The following ENOSF1 variants were observed in gnomAD, a reference collection of about 807,000 sequenced individuals.
The protein encoded by ENOSF1 is mitochondrial enolase superfamily member 1.
Under a neutral mutation model 68.2 loss-of-function variants are expected in ENOSF1, and 73 were observed. That is an observed-to-expected ratio of 1.07 (90% confidence interval 0.89 to 1.30). ENOSF1 has a LOEUF of 1.30. Among genes scored for constraint, ENOSF1 ranks in the 50% most tolerant of loss-of-function variants. The pLI, the probability that ENOSF1 is intolerant of heterozygous loss-of-function variation, is 0.00. For missense variants in ENOSF1, 589 were observed against 554.5 expected (o/e 1.06, Z -0.62); for synonymous variants, 223 against 210.4 (o/e 1.06, Z -0.52).
rs770187158 is a variant in ENOSF1 at position 697,262 on chromosome 18, G to C, written c.287C>G (p.Thr96Arg). Residue 96 changes from threonine to arginine, a missense_variant, in exon 3 of 16, where the codon ACA becomes AGA. Transcript: ENST00000647584. ...TACCCATCTGAGCTGCCCATCACTT[G>C]TGAGCTGCCTATAGAAGCCTCTGAA... ...GDFRGFYRQL[T>R]SDGQLRWIGP... 2.5e-6 allele frequency: 4 copies of C among 1,613,798 alleles called. No homozygotes were observed. The highest frequency in any genetic ancestry group is 3.4e-6 in the Non-Finnish European group (4 of 1,179,842).
At position 683,227 on chromosome 18, in the gene ENOSF1, G is replaced by T. The variant is rs375339535; in HGVS notation, c.876+19C>A. The T allele has an allele frequency of 3.8e-5, 62 of 1,613,394 alleles. No homozygotes were observed. Among genetic ancestry groups the T allele is most frequent in the Non-Finnish European group, 5.0e-5 (59 of 1,179,664 alleles). ...AACAGAAAAATAAGCTGCCACAGCAGCAGCAGCCGTTTTCCTACCTTGGAA... is the reference window on the plus strand; with the variant it reads ...AACAGAAAAATAAGCTGCCACAGCATCAGCAGCCGTTTTCCTACCTTGGAA... On this transcript the variant is annotated intron_variant, in intron 11 of 15. Coordinates refer to ENST00000647584, the MANE Select transcript of ENOSF1 (RefSeq NM_017512.7).
At chr18:679,526 C>A (rs1272356801) in intron 11 of ENOSF1, among the ~76,000 whole-genome samples, 1 of 150,608 alleles carries the variant, frequency 6.6e-6, no homozygotes, top group Non-Finnish European at 1.5e-5. Flanking sequence ...TTTGTTGATT[C>A]CAAAATCCTC....
intron 7 of ENOSF1, 70 bp downstream of exon 7, chr18:690,998 A>C: frequency 1.3e-6 from 2 of 1,544,810 alleles, no homozygotes; most frequent in South Asian, 1.1e-5. Context: ...TGTGTACCCC[A>C]AAAGGACAGG....
intron 11 of ENOSF1, among the ~76,000 whole-genome samples, chr18:679,564 A>T (rs571673558): frequency 5.7e-4 from 63 of 109,612 alleles, no homozygotes; most frequent in African/African-American, 1.6e-3. Flanking sequence ...AATCCATGAA[A>T]AAAAAAAAAA....
intron 3 of ENOSF1, among the ~76,000 whole-genome samples, chr18:696,352 T>C (rs578227477): frequency 1.1e-4 from 16 of 151,804 alleles, no homozygotes; most frequent in Non-Finnish European, 2.1e-4. Flanking sequence ...ACTGGGACTA[T>C]AGGCGCCCGC....
downstream of ENOSF1, chr18:669,366 A>ATTTTTTTTT (rs68090938): frequency 8.8e-5 from 17 of 192,258 alleles, no homozygotes; most frequent in African/African-American, 1.2e-4. Flanking sequence ...GGCCCAGAGG[A>ATTTTTTTTT]TTTTTTTTTT....
chr18:685,382 G>A (rs2076518888), intron 10 of ENOSF1, among the ~76,000 whole-genome samples: 1 of 151,012 alleles, frequency 6.6e-6, no homozygotes, highest in African/African-American at 2.4e-5. Flanking sequence ...ATTAATTCAT[G>A]TATAAATAGT....
At chr18:690,072 C>G (rs549764125) in intron 8 of ENOSF1, among the ~76,000 whole-genome samples, 4 of 152,168 alleles carry the variant, frequency 2.6e-5, no homozygotes, top group Admixed American at 6.5e-5. Context: ...CTCTGTACCC[C>G]CTCCTCACAC....
chr18:667,009 GGT>G, downstream of ENOSF1, among the ~76,000 whole-genome samples: 1 of 7,224 alleles, frequency 1.4e-4, no homozygotes. Context: ...AGATGGTGAT[GGT>G]GATGGAGATG....
intron 8 of ENOSF1, among the ~76,000 whole-genome samples, chr18:690,112 G>T (rs2076999394): frequency 6.6e-6 from 1 of 152,030 alleles, no homozygotes; most frequent in Non-Finnish European, 1.5e-5. Flanking sequence ...CAGTTTGGCT[G>T]TTCTTAAGTT....
intron 10 of ENOSF1, 45 bp from the exon 11 acceptor site, chr18:683,425 C>T (rs2076297012): frequency 6.2e-7 from 1 of 1,607,216 alleles, no homozygotes; most frequent in African/African-American, 1.3e-5. Context: ...CTGAGCCAAC[C>T]TCACAGCAGG....
At chr18:689,758 GGA>G (rs981862764) in intron 8 of ENOSF1, among the ~76,000 whole-genome samples, 1 of 152,110 alleles carries the variant, frequency 6.6e-6, no homozygotes, top group Admixed American at 6.5e-5. Context: ...CTGAGTGATA[GGA>G]GTGTCTTTTG....
chr18:665,546 C>A (rs1306159317), downstream of ENOSF1, among the ~76,000 whole-genome samples: 1 of 122,442 alleles, frequency 8.2e-6, no homozygotes, highest in South Asian at 2.8e-4. Context: ...TTATTTCTTG[C>A]CTTCTGCTAG....
At chr18:708,245 G>A (rs2145500881) in intron 1 of ENOSF1, among the ~76,000 whole-genome samples, 1 of 152,308 alleles carries the variant, frequency 6.6e-6, no homozygotes, top group Non-Finnish European at 1.5e-5. Flanking sequence ...TGGGAGCCCT[G>A]AGTCTGGTAT....
At chr18:683,740 C>T (rs893906289) in intron 10 of ENOSF1, among the ~76,000 whole-genome samples, 8 of 152,126 alleles carry the variant, frequency 5.3e-5, no homozygotes, top group Middle Eastern at 3.4e-3. Flanking sequence ...TGGTTCTGTT[C>T]GTAGAAACCA....
downstream of ENOSF1, among the ~76,000 whole-genome samples, chr18:669,860 G>A (rs1047721385): frequency 6.6e-6 from 1 of 151,732 alleles, no homozygotes; most frequent in Admixed American, 6.6e-5. Flanking sequence ...AACTCCAGAG[G>A]CCAAGGCGAG....
chr18:693,272 C>A, intron 5 of ENOSF1: 1 of 1,279,804 alleles, frequency 7.8e-7, no homozygotes, highest in Non-Finnish European at 1.0e-6. Flanking sequence ...ACAGTAGAGG[C>A]TACAATGGCC....
intron 2 of ENOSF1, among the ~76,000 whole-genome samples, chr18:698,821 CA>C (rs2078019043): frequency 5.3e-5 from 8 of 151,988 alleles, no homozygotes; most frequent in Admixed American, 5.2e-4. Context: ...AGGGTTTCAC[CA>C]TGCTTCCCAG....
chr18:669,033 A>C, downstream of ENOSF1: 1 of 1,533,158 alleles, frequency 6.5e-7, no homozygotes, highest in Non-Finnish European at 9.0e-7. Flanking sequence ...ATGTGTGATT[A>C]ATGTATGTAC....
Sources: allele counts gnomAD v4.1 joint callset (sites outside exome capture counted in the v4.1 genomes callset), GRCh38; gene constraint gnomAD v4.1.1; transcripts MANE v1.5; gene names NCBI Gene and HGNC (gene_info 2026-07-23, HGNC 2026-07-21).